Variants in FER observed in about 807,000 individuals in gnomAD.
The protein encoded by FER is tyrosine-protein kinase Fer.
A neutral mutation model predicts 111.0 loss-of-function variants in FER; 63 were observed. The observed-to-expected ratio is 0.57, with a 90% CI of 0.46 to 0.70. The LOEUF is 0.70. FER is among the 30% of genes least tolerant of loss of function. The pLI is 0.00. For missense variants in FER, 914 were observed against 954.0 expected, an observed-to-expected ratio of 0.96 and a Z score of 0.55; for synonymous variants, 327 against 313.9, an observed-to-expected ratio of 1.04 and a Z score of -0.44.
intron 2 of FER, among the ~76,000 whole-genome samples, chr5:108,795,447 A>G (rs1195279403): frequency 6.9e-6 from 1 of 144,170 alleles, no homozygotes; most frequent in Non-Finnish European, 1.5e-5. Context: ...CTGTACTCCA[A>G]CCTGGGAGAC....
chr5:108,897,754 A>G lies in FER; in HGVS notation c.1142A>G (p.Lys381Arg). 6.2e-7 allele frequency: 1 copy of G among 1,613,744 alleles called. No homozygotes were observed. Among genetic ancestry groups the G allele is most frequent in the Non-Finnish European group, 8.5e-7 (1 of 1,179,794 alleles). ...ACTGAAGCAAAGTTTTCAGCACAGA[A>G]GGAATTACTAGAGCAAAAAGTGCAA... Reference protein sequence around the residue: ...RCTEAKFSAQKELLEQKVQEN... With the variant: ...RCTEAKFSAQRELLEQKVQEN... Residue 381 changes from lysine (K) to arginine (R), a missense_variant, in exon 10 of 20, where the codon AAG (lysine) becomes AGG (arginine). Physicochemically the swap from Lys to Arg is conservative, Grantham distance 26 (BLOSUM62 2). This residue lies in a region of FER where 774 missense variants were observed against 782.6 expected (regional missense o/e 0.99). Coordinates refer to ENST00000281092, the MANE Select transcript of FER (RefSeq NM_005246.4).
At chr5:108,776,348 A>G (rs1753488172) in intron 2 of FER, among the ~76,000 whole-genome samples, 3 of 152,278 alleles carry the variant, frequency 2.0e-5, no homozygotes, top group East Asian at 1.9e-4. Context: ...ACCATAAAAC[A>G]TAATCCTGTT....
intron 5 of FER, among the ~76,000 whole-genome samples, chr5:108,843,863 A>G (rs1479678637): frequency 6.6e-6 from 1 of 152,024 alleles, no homozygotes; most frequent in African/African-American, 2.4e-5. Context: ...ATTTTTACCT[A>G]ATTAAAAAAA....
intron 13 of FER, among the ~76,000 whole-genome samples, chr5:108,969,990 A>C (rs72789320): frequency 0.12 from 17,680 of 147,822 alleles, 1,675 homozygotes; most frequent in Middle Eastern, 0.16. Flanking sequence ...TTCTAAAATT[A>C]TATTACATGC....
chr5:109,137,978 A>G (rs1428627168), intron 17 of FER, among the ~76,000 whole-genome samples: 1 of 152,284 alleles, frequency 6.6e-6, no homozygotes, highest in East Asian at 1.9e-4. Flanking sequence ...CTCTAGCTCT[A>G]GTCTTTAACT....
chr5:109,169,937 C>G (rs1756932463), intron 17 of FER, among the ~76,000 whole-genome samples: 1 of 152,168 alleles, frequency 6.6e-6, no homozygotes, highest in Admixed American at 6.6e-5. Flanking sequence ...CACTGCAGAA[C>G]ATTCAGTATC....
chr5:109,148,073 G>A (rs1754436054), intron 17 of FER, among the ~76,000 whole-genome samples: 1 of 151,926 alleles, frequency 6.6e-6, no homozygotes, highest in Admixed American at 6.6e-5. Flanking sequence ...GGTTAAGTAT[G>A]TAGTAGGGGC....
At chr5:108,968,588 C>T (rs1561693688) in intron 13 of FER, among the ~76,000 whole-genome samples, 1 of 151,824 alleles carries the variant, frequency 6.6e-6, no homozygotes, top group African/African-American at 2.4e-5. Flanking sequence ...AAATAAAAAG[C>T]ATGAAATAAA....
chr5:108,868,372 T>C (rs1296795743), intron 6 of FER, among the ~76,000 whole-genome samples: 7 of 152,054 alleles, frequency 4.6e-5, no homozygotes, highest in Non-Finnish European at 5.9e-5. Context: ...CAAATGTTTA[T>C]TGAAGTTTTA....
chr5:108,785,351 G>A, intron 2 of FER: 1 of 577,964 alleles, frequency 1.7e-6, no homozygotes, highest in Non-Finnish European at 3.4e-6. Flanking sequence ...CTGGCTCTGT[G>A]CTGCCATGGG....
At chr5:108,773,108 T>C (rs1335153094) in intron 2 of FER, among the ~76,000 whole-genome samples, 2 of 152,192 alleles carry the variant, frequency 1.3e-5, no homozygotes, top group Non-Finnish European at 2.9e-5. Flanking sequence ...GAGAAGGGTA[T>C]GAAATTTGGA....
chr5:108,878,126 C>T (rs909929414), intron 8 of FER, among the ~76,000 whole-genome samples: 6 of 151,964 alleles, frequency 3.9e-5, no homozygotes, highest in Non-Finnish European at 7.4e-5. Flanking sequence ...AGGCTGGTCT[C>T]GAACTCCTGA....
intron 14 of FER, among the ~76,000 whole-genome samples, chr5:109,044,353 G>C (rs574683788): frequency 8.5e-4 from 129 of 151,758 alleles, no homozygotes; most frequent in Non-Finnish European, 1.5e-3. Context: ...TAATTTTTTG[G>C]TATTTTTTTA....
chr5:108,885,564 T>A (rs995637213), intron 9 of FER, among the ~76,000 whole-genome samples: 3 of 151,852 alleles, frequency 2.0e-5, no homozygotes, highest in Non-Finnish European at 4.4e-5. Context: ...AGGACTCTTT[T>A]CCAGACTGCA....
chr5:108,788,523 G>A (rs570881830), intron 2 of FER, among the ~76,000 whole-genome samples: 4 of 144,948 alleles, frequency 2.8e-5, no homozygotes, highest in South Asian at 2.2e-4. Context: ...ATGATCCTGC[G>A]ACACTAATAT....
In FER at chr5:108,959,213, TTC is replaced by T. The variant is rs748115024; in HGVS notation, c.1534-5_1534-4del. On this transcript the variant is annotated splice_polypyrimidine_tract_variant and intron_variant, in intron 12 of 19. Transcript: ENST00000281092. Reference sequence around the variant, plus strand: ...TCTTCACATTTATTCTACCTTATTGTTCTCTCTCCAGAACATGTATCGATTCG... The same window carrying T: ...TCTTCACATTTATTCTACCTTATTGTTCTCTCCAGAACATGTATCGATTCG... The T allele has an allele frequency of 1.9e-6, 3 of 1,607,644 alleles. No individual in the cohort carries two copies. Among genetic ancestry groups the T allele is most frequent in the Non-Finnish European group, 2.5e-6 (3 of 1,177,302 alleles).
At chr5:109,084,410 A>G (rs148519778) in intron 16 of FER, among the ~76,000 whole-genome samples, 15 of 152,084 alleles carry the variant, frequency 9.9e-5, no homozygotes, top group African/African-American at 3.4e-4. Flanking sequence ...TCCATTGCAC[A>G]ACAGTGTGAA....
chr5:109,044,448 T>C (rs1163843567), intron 14 of FER, among the ~76,000 whole-genome samples: 1 of 152,176 alleles, frequency 6.6e-6, no homozygotes, highest in Non-Finnish European at 1.5e-5. Flanking sequence ...CCCAAAGTGC[T>C]GGGATTACAG....
At chr5:108,964,845 C>CT (rs1468856856) in intron 13 of FER, among the ~76,000 whole-genome samples, 1 of 151,904 alleles carries the variant, frequency 6.6e-6, no homozygotes, top group African/African-American at 2.4e-5. Context: ...TTTCTAAGAA[C>CT]TTTTTTCCCA....
Sources: gnomAD v4.1 joint callset for allele counts (sites outside exome capture counted in the v4.1 genomes callset) on GRCh38, gnomAD v4.1.1 for gene constraint, gnomAD v4.1.1 regional missense constraint, MANE v1.5 for transcripts, NCBI Gene and HGNC (gene_info 2026-07-23, HGNC 2026-07-21) for gene names.